MAPKAP1: variants seen among roughly 807,000 people sequenced by gnomAD.
MAPKAP1 encodes the protein target of rapamycin complex 2 subunit MAPKAP1.
In MAPKAP1, 20 loss-of-function variants were observed where a neutral mutation model predicts 65.7. That is an observed-to-expected ratio of 0.30 (90% CI 0.21 to 0.44). MAPKAP1 has a LOEUF of 0.44. Ranked by LOEUF, MAPKAP1 falls within the 20% of genes least tolerant of loss-of-function variation. The pLI is 1.00. For synonymous variants in MAPKAP1, 222 were observed against 244.3 expected, an observed-to-expected ratio of 0.91 and a Z score of 0.85; for missense variants, 423 against 648.0, an observed-to-expected ratio of 0.65 and a Z score of 3.77.
chr9:125,672,805 T>C (rs1181168347), intron 1 of MAPKAP1, among the ~76,000 whole-genome samples, 162 bp from the exon 2 acceptor site: 3 of 152,238 alleles, frequency 2.0e-5, no homozygotes, highest in Non-Finnish European at 4.4e-5. Context: ...AAGGAAATCC[T>C]TATAAGCACT....
chr9:125,693,679 A>G (rs1201844952), intron 1 of MAPKAP1, among the ~76,000 whole-genome samples: 1 of 125,360 alleles, frequency 8.0e-6, no homozygotes, highest in Non-Finnish European at 1.8e-5. Context: ...ATACACGTAT[A>G]TATACACGTA....
chr9:125,647,486 C>T (rs979373239), intron 4 of MAPKAP1, among the ~76,000 whole-genome samples: 2 of 152,148 alleles, frequency 1.3e-5, no homozygotes, highest in Non-Finnish European at 2.9e-5. Flanking sequence ...GGCTCAGATC[C>T]GAGCCGTAGA....
intron 8 of MAPKAP1, among the ~76,000 whole-genome samples, chr9:125,493,792 C>T (rs1362966504): frequency 6.6e-6 from 1 of 152,214 alleles, no homozygotes; most frequent in African/African-American, 2.4e-5. Context: ...CCCAATGCCT[C>T]TTTAAGTTGG....
intron 5 of MAPKAP1, among the ~76,000 whole-genome samples, chr9:125,561,305 C>A (rs1342963036): frequency 6.6e-6 from 1 of 152,100 alleles, no homozygotes; most frequent in African/African-American, 2.4e-5. Flanking sequence ...AGAGAGGGAG[C>A]CTACTTCAGG....
chr9:125,619,789 C>T (rs1489293149), intron 4 of MAPKAP1, among the ~76,000 whole-genome samples: 2 of 151,312 alleles, frequency 1.3e-5, no homozygotes, highest in African/African-American at 2.4e-5. Context: ...ATGTATATTT[C>T]GCTACAATAA....
chr9:125,617,125 T>C (rs1448222012), intron 4 of MAPKAP1, among the ~76,000 whole-genome samples: 1 of 152,230 alleles, frequency 6.6e-6, no homozygotes, highest in Non-Finnish European at 1.5e-5. Context: ...ACTTTCATGT[T>C]ATACCCCAAA....
At chr9:125,604,693 A>C (rs148795368) in intron 4 of MAPKAP1, among the ~76,000 whole-genome samples, 1 of 152,356 alleles carries the variant, frequency 6.6e-6, no homozygotes, top group African/African-American at 2.4e-5. Flanking sequence ...GATGTACCAA[A>C]TTTATCTCCC....
intron 11 of MAPKAP1, among the ~76,000 whole-genome samples, chr9:125,442,098 C>A (rs1218274335): frequency 2.3e-5 from 3 of 127,974 alleles, no homozygotes; most frequent in African/African-American, 9.2e-5. Flanking sequence ...GACTACACCC[C>A]AGCCTGTGCA....
At chr9:125,524,791 C>G (rs1434335611) in intron 7 of MAPKAP1, among the ~76,000 whole-genome samples, 3 of 152,246 alleles carry the variant, frequency 2.0e-5, no homozygotes, top group African/African-American at 7.2e-5. Flanking sequence ...TCAGCATTTC[C>G]TCTCTGCTAA....
At chr9:125,638,877 C>A (rs995603720) in intron 4 of MAPKAP1, among the ~76,000 whole-genome samples, 12 of 152,336 alleles carry the variant, frequency 7.9e-5, no homozygotes, top group Non-Finnish European at 1.3e-4. Flanking sequence ...GGGGCCAACC[C>A]CTTCGGGAAA....
intron 1 of MAPKAP1, among the ~76,000 whole-genome samples, chr9:125,676,239 CCTACTT>C (rs1343806123): frequency 3.3e-5 from 5 of 152,122 alleles, no homozygotes; most frequent in Admixed American, 6.6e-5. Flanking sequence ...TCTGGGCAAT[CCTACTT>C]CTAGGATTTG....
intron 4 of MAPKAP1, among the ~76,000 whole-genome samples, chr9:125,619,489 A>AG (rs1167984401): frequency 4.6e-5 from 7 of 151,868 alleles, no homozygotes; most frequent in African/African-American, 1.7e-4. Flanking sequence ...AAAAAAAAAA[A>AG]CTGCGTTTTA....
At chr9:125,494,399 C>T (rs949479796) in intron 8 of MAPKAP1, among the ~76,000 whole-genome samples, 14 of 152,282 alleles carry the variant, frequency 9.2e-5, no homozygotes, top group Middle Eastern at 3.4e-3. Flanking sequence ...GCCATGCTAC[C>T]ACCGGGGTAG....
chr9:125,586,205 C>T (rs1444093309), intron 4 of MAPKAP1, among the ~76,000 whole-genome samples: 1 of 152,146 alleles, frequency 6.6e-6, no homozygotes, highest in Non-Finnish European at 1.5e-5. Context: ...GGGCTAGTTC[C>T]ACTAGGCAGT....
intron 6 of MAPKAP1, among the ~76,000 whole-genome samples, chr9:125,553,938 G>A (rs1410642336): frequency 1.3e-5 from 2 of 152,030 alleles, no homozygotes; most frequent in Admixed American, 1.3e-4. Context: ...TTGGGAGGCT[G>A]AGGTGGGACG....
intron 6 of MAPKAP1, among the ~76,000 whole-genome samples, chr9:125,548,061 CT>C (rs1288140704): frequency 2.6e-5 from 4 of 152,122 alleles, no homozygotes; most frequent in Non-Finnish European, 5.9e-5. Context: ...CTGTTTTAAG[CT>C]TTTTAAAAAA....
At chr9:125,605,703 T>C (rs552517902) in intron 4 of MAPKAP1, among the ~76,000 whole-genome samples, 1 of 152,264 alleles carries the variant, frequency 6.6e-6, no homozygotes, top group East Asian at 1.9e-4. Flanking sequence ...TCAGCTGGAA[T>C]TTGGCTCCAG....
intron 4 of MAPKAP1, among the ~76,000 whole-genome samples, chr9:125,629,560 A>G (rs1238321549): frequency 6.6e-6 from 1 of 152,236 alleles, no homozygotes; most frequent in Non-Finnish European, 1.5e-5. Context: ...AGGGATCTAA[A>G]GCATTCAAAC....
At chr9:125,664,686 C>G (rs1000998231) in intron 3 of MAPKAP1, among the ~76,000 whole-genome samples, 1 of 141,562 alleles carries the variant, frequency 7.1e-6, no homozygotes, top group Non-Finnish European at 1.5e-5. Flanking sequence ...GATCGTGCCA[C>G]TGCACTCCAG....
Sources: allele counts gnomAD v4.1 joint callset (sites outside exome capture counted in the v4.1 genomes callset), GRCh38; gene constraint gnomAD v4.1.1; transcripts MANE v1.5; gene names NCBI Gene and HGNC (gene_info 2026-07-23, HGNC 2026-07-21).